CLPTM1: variants seen among roughly 807,000 people sequenced by gnomAD.
CLPTM1 encodes putative lipid scramblase CLPTM1.
Under a neutral mutation model 77.3 loss-of-function variants are expected in CLPTM1, and 21 were observed. That is an observed-to-expected ratio of 0.27 (90% CI 0.19 to 0.39). The LOEUF (loss-of-function observed/expected upper bound fraction) is 0.39. Ranked by LOEUF, CLPTM1 falls within the 10% of genes least tolerant of loss-of-function variation. The pLI is 1.00. For synonymous variants in CLPTM1, 373 were observed against 381.0 expected (o/e 0.98, Z 0.24); for missense variants, 642 against 921.2 (o/e 0.70, Z 3.92).
intron 2 of CLPTM1, among the ~76,000 whole-genome samples, chr19:44,964,530 C>CT (rs1950477713): frequency 2.2e-5 from 3 of 135,818 alleles, no homozygotes; most frequent in Non-Finnish European, 3.2e-5. Context: ...AGGCTGGTCT[C>CT]TAACTCCTGA....
intron 1 of CLPTM1, among the ~76,000 whole-genome samples, chr19:44,961,593 C>T (rs1314480707): frequency 1.3e-5 from 2 of 152,162 alleles, no homozygotes; most frequent in East Asian, 1.9e-4. Context: ...TCAATGCCCC[C>T]TTCTCCAGGA....
chr19:44,957,899 G>A (rs984285442), intron 1 of CLPTM1, among the ~76,000 whole-genome samples: 10 of 152,180 alleles, frequency 6.6e-5, no homozygotes, highest in African/African-American at 2.2e-4. Flanking sequence ...GAATAAAATA[G>A]GTGCTGCCCT....
chr19:44,973,424 C>T (rs1198237459), intron 3 of CLPTM1, among the ~76,000 whole-genome samples: 1 of 152,148 alleles, frequency 6.6e-6, no homozygotes, highest in Non-Finnish European at 1.5e-5. Flanking sequence ...CTGTGTCACC[C>T]AAAAGAAAAA....
chr19:44,966,831 ATC>A (rs372681795), intron 2 of CLPTM1, among the ~76,000 whole-genome samples: 33 of 146,928 alleles, frequency 2.2e-4, no homozygotes, highest in Admixed American at 3.4e-4. Flanking sequence ...TAAGACCCCC[ATC>A]TCTCTCTCTC....
chr19:44,972,489 T>C (rs1970736247), intron 2 of CLPTM1, among the ~76,000 whole-genome samples: 1 of 152,088 alleles, frequency 6.6e-6, no homozygotes, highest in African/African-American at 2.4e-5. Flanking sequence ...GACCTCGTGA[T>C]CCGCCCGCCT....
rs749341562 is a variant in CLPTM1, at chr19:44,991,281, G to C, written c.1463G>C (p.Gly488Ala). The change falls in exon 12 of 14, where the codon GGC becomes GCC. Residue 488 changes from glycine to alanine, a missense_variant. Coordinates refer to ENST00000337392, the MANE Select transcript of CLPTM1 (RefSeq NM_001294.4). The surrounding 1 kb of genome is among the most constrained non-coding windows in gnomAD (Gnocchi z 5.4). The stretch of plus-strand genomic sequence containing the variant: ...TCCTGGATCCTCTTCCCGCTCCTGG[G>C]CTGCTATGCCGTCTACAGTCTTCTG... Reference protein sequence around the residue: ...YLSWILFPLLGCYAVYSLLYL... With the variant: ...YLSWILFPLLACYAVYSLLYL... 8 of 1,613,952 alleles carry C rather than the reference G, an allele frequency of 5.0e-6. No individual in the cohort carries two copies. In the Admixed American group the frequency reaches 5.0e-5, roughly 10 times the overall value.
intron 6 of CLPTM1, among the ~76,000 whole-genome samples, chr19:44,986,204 A>G (rs1474165229): frequency 6.6e-6 from 1 of 151,836 alleles, no homozygotes; most frequent in African/African-American, 2.4e-5. Context: ...GAAAAAAGAA[A>G]GAAAGAAAAG....
intron 2 of CLPTM1, among the ~76,000 whole-genome samples, chr19:44,971,705 T>C (rs1396705422): frequency 6.6e-6 from 1 of 151,662 alleles, no homozygotes; most frequent in Admixed American, 6.6e-5. Context: ...ACTACAGGCA[T>C]GGGCCACCAT....
At chr19:44,966,849 C>CT (rs1357674798) in intron 2 of CLPTM1, among the ~76,000 whole-genome samples, 2 of 150,820 alleles carry the variant, frequency 1.3e-5, no homozygotes, top group Non-Finnish European at 3.0e-5. Context: ...CTCTCTCTCT[C>CT]TTTTTTTTGG....
upstream of CLPTM1, chr19:44,955,095 T>G (rs1241626837): frequency 6.5e-7 from 1 of 1,535,534 alleles, no homozygotes; most frequent in African/African-American, 1.4e-5. Flanking sequence ...GGCGGGTTAA[T>G]GTGAAGGGAC....
At chr19:44,980,005 G>C (rs973536144) in intron 5 of CLPTM1, among the ~76,000 whole-genome samples, 1 of 152,190 alleles carries the variant, frequency 6.6e-6, no homozygotes, top group African/African-American at 2.4e-5. Flanking sequence ...TCTTTGGTGA[G>C]TGTGATCCAT....
chr19:44,987,975 C>A, intron 8 of CLPTM1, 105 bp from the exon 9 acceptor site: 1 of 833,000 alleles, frequency 1.2e-6, no homozygotes, highest in Non-Finnish European at 2.1e-6. Context: ...GCTGGCCCAC[C>A]TTCAGCCTCC....
chr19:44,990,632 G>A lies in CLPTM1; in HGVS notation c.1323+47G>A. ...GTCTCGGGAGCTGCAGGGGTTGGGA[G>A]GGGGTAGTGTGGCCCAGCTGGACCC... On this transcript the variant is annotated intron_variant, in intron 10 of 13. Transcript: ENST00000337392. This position sits in a 1 kb window ranked among gnomAD's most constrained non-coding sequence, Gnocchi z 4.8. 2 of 1,596,774 alleles carry A rather than the reference G, an allele frequency of 1.3e-6. No individual in the cohort carries two copies. Among genetic ancestry groups the A allele is most frequent in the Non-Finnish European group, 1.7e-6 (2 of 1,168,404 alleles).
Position 44,990,785 on chromosome 19 carries a change from CTGGTTCTGGCTTGTGGGG to C in CLPTM1, c.1324-61_1324-44del. 1 of 1,425,712 alleles carries C rather than the reference CTGGTTCTGGCTTGTGGGG, an allele frequency of 7.0e-7. No individual in the cohort carries two copies. The highest frequency in any genetic ancestry group is 1.2e-5 in the South Asian group (1 of 85,612). The allele number at this position is 1,425,712 out of a possible 1,614,324, so 88.3% of individuals were successfully genotyped here. ...TGGGAACGGTGGGGAAGGGCAGGGG[CTGGTTCTGGCTTGTGGGG>C]TGGGAGCCAGCGTAGCAACTGACCA... On this transcript the variant is annotated intron_variant, in intron 10 of 13. Coordinates refer to ENST00000337392, the MANE Select transcript of CLPTM1 (RefSeq NM_001294.4). This position sits in a 1 kb window ranked among gnomAD's most constrained non-coding sequence, Gnocchi z 4.8.
Position 44,964,412 on chromosome 19 carries a change from G to A in CLPTM1, c.185+2337G>A, listed in dbSNP as rs537476022. ...TGCAGTCTCTGCCTCCTGGGTTCAA[G>A]CGATTCTCCTGCCTCAGCCACCTGA... On this transcript the variant is annotated intron_variant, in intron 2 of 13. Transcript: ENST00000337392. Among the ~76,000 whole-genome samples the A allele has an allele frequency of 2.2e-5, 3 of 138,046 alleles. No individual in the cohort carries two copies. In the South Asian group the frequency reaches 7.3e-4, roughly 34 times the overall value. The allele number at this position is 138,046 out of a possible 152,430, so 90.6% of individuals were successfully genotyped here.
chr19:44,972,483 T>C (rs1455032831), intron 2 of CLPTM1, among the ~76,000 whole-genome samples: 2 of 152,130 alleles, frequency 1.3e-5, no homozygotes, highest in Middle Eastern at 3.4e-3. Context: ...TCTCCTGACC[T>C]CGTGATCCGC....
At chr19:44,980,489 A>G (rs1440510970) in intron 5 of CLPTM1, among the ~76,000 whole-genome samples, 2 of 144,886 alleles carry the variant, frequency 1.4e-5, no homozygotes, top group Non-Finnish European at 3.0e-5. Flanking sequence ...AGCCTGGGCG[A>G]CAGAGCAAGA....
chr19:44,969,065 C>T (rs556018163), intron 2 of CLPTM1, among the ~76,000 whole-genome samples: 11 of 152,286 alleles, frequency 7.2e-5, no homozygotes, highest in East Asian at 5.8e-4. Context: ...TTTTTCTGCT[C>T]CAAAGTTTTT....
At chr19:44,954,675 C>T, upstream of CLPTM1, 1 of 1,143,180 alleles carries the variant, frequency 8.7e-7, no homozygotes, top group Non-Finnish European at 1.1e-6. Flanking sequence ...TTCTCAGAGC[C>T]CGTGAAGCCT....
Sources: allele counts gnomAD v4.1 joint callset (sites outside exome capture counted in the v4.1 genomes callset), GRCh38; gene constraint gnomAD v4.1.1; non-coding constraint Gnocchi (gnomAD v3.1); transcripts MANE v1.5; gene names NCBI Gene and HGNC (gene_info 2026-07-23, HGNC 2026-07-21).